The following ANO10 variants were observed in gnomAD, a reference collection of about 807,000 sequenced individuals.
ANO10 encodes anoctamin-10.
In ANO10, 77 loss-of-function variants were observed where a neutral mutation model predicts 74.7. The ratio of observed to expected loss-of-function variants is 1.03; its 90% confidence interval spans 0.86 to 1.25. The LOEUF is 1.25. ANO10 is among the 50% of genes most tolerant of loss of function. The pLI is 0.00. For missense variants in ANO10, 721 were observed against 778.1 expected (o/e 0.93, Z 0.87); for synonymous variants, 279 against 284.9 (o/e 0.98, Z 0.21).
chr3:43,466,421 T>C (rs113698665), intron 11 of ANO10, among the ~76,000 whole-genome samples: 9 of 114,992 alleles, frequency 7.8e-5, no homozygotes, highest in African/African-American at 2.7e-4. Context: ...CACATAAGAA[T>C]ATAGATATAT....
intron 11 of ANO10, among the ~76,000 whole-genome samples, chr3:43,463,066 T>C (rs1429748079): frequency 8.5e-5 from 13 of 152,208 alleles, no homozygotes; most frequent in Admixed American, 2.6e-4. Flanking sequence ...GGAGAACCTT[T>C]GCTAGGGCAC....
intron 1 of ANO10, among the ~76,000 whole-genome samples, 200 bp from the exon 2 acceptor site, chr3:43,606,063 C>T (rs193185774): frequency 2.6e-5 from 4 of 152,274 alleles, no homozygotes; most frequent in Admixed American, 2.6e-4. Context: ...GGAAAGAACG[C>T]CATCCTTTTC....
chr3:43,385,915 A>G (rs2092102121), intron 12 of ANO10, among the ~76,000 whole-genome samples: 1 of 152,108 alleles, frequency 6.6e-6, no homozygotes, highest in Admixed American at 6.5e-5. Context: ...ATATTGAAAT[A>G]AAAAAAATTA....
intron 11 of ANO10, among the ~76,000 whole-genome samples, chr3:43,527,782 C>A (rs903631826): frequency 1.3e-5 from 2 of 152,092 alleles, no homozygotes; most frequent in African/African-American, 4.8e-5. Context: ...GATAAAATCA[C>A]CCCCAGAAAA....
intron 11 of ANO10, among the ~76,000 whole-genome samples, chr3:43,461,848 A>G (rs1423927874): frequency 6.6e-6 from 1 of 152,178 alleles, no homozygotes; most frequent in Non-Finnish European, 1.5e-5. Flanking sequence ...GATACCCAAA[A>G]ATGTGGAAGC....
intron 1 of ANO10, among the ~76,000 whole-genome samples, chr3:43,641,832 G>C (rs2083673246): frequency 6.6e-6 from 1 of 152,138 alleles, no homozygotes; most frequent in Non-Finnish European, 1.5e-5. Context: ...GCGAGTGTGG[G>C]AAGCTTGAGC....
At chr3:43,451,431 G>A (rs1003617093) in intron 11 of ANO10, among the ~76,000 whole-genome samples, 28 of 152,132 alleles carry the variant, frequency 1.8e-4, no homozygotes, top group Non-Finnish European at 3.7e-4. Flanking sequence ...TGTTCAATCG[G>A]CTTCCTTTCC....
chr3:43,642,533 A>AT (rs2083680564), intron 1 of ANO10, among the ~76,000 whole-genome samples: 1 of 152,142 alleles, frequency 6.6e-6, no homozygotes. Context: ...ATTGTTTTCC[A>AT]TTTTAGGATT....
At chr3:43,614,286 C>T (rs375020671) in intron 1 of ANO10, among the ~76,000 whole-genome samples, 1 of 152,154 alleles carries the variant, frequency 6.6e-6, no homozygotes, top group African/African-American at 2.4e-5. Context: ...GCACTATCTA[C>T]AAACTCATAT....
At chr3:43,549,615 C>G (rs901905219) in intron 11 of ANO10, 105 bp downstream of exon 11, 19 of 1,303,972 alleles carry the variant, frequency 1.5e-5, no homozygotes, top group Middle Eastern at 2.0e-4. Context: ...ACCAGTAAAT[C>G]CATATTGCTC....
chr3:43,605,302 T>C (rs1045330051), intron 2 of ANO10, among the ~76,000 whole-genome samples: 1 of 152,220 alleles, frequency 6.6e-6, no homozygotes, highest in African/African-American at 2.4e-5. Context: ...CTTTCTACCC[T>C]GATGGTAACA....
At chr3:43,641,861 T>C (rs2083673557) in intron 1 of ANO10, among the ~76,000 whole-genome samples, 1 of 152,174 alleles carries the variant, frequency 6.6e-6, no homozygotes, top group Non-Finnish European at 1.5e-5. Context: ...CAGGAGGTTA[T>C]GCCAGGTGCA....
intron 12 of ANO10, among the ~76,000 whole-genome samples, chr3:43,382,294 C>T (rs969516974): frequency 5.3e-4 from 80 of 152,024 alleles, no homozygotes; most frequent in Non-Finnish European, 9.6e-4. Context: ...CCGAGGCGGG[C>T]GGATCACGAG....
chr3:43,585,340 G>GGGA (rs1342345004), intron 4 of ANO10, among the ~76,000 whole-genome samples: 1 of 134,584 alleles, frequency 7.4e-6, no homozygotes, highest in African/African-American at 3.0e-5. Context: ...GGAAAGGGAA[G>GGGA]GGAGAAGAGA....
chr3:43,550,806 G>A (rs1237312377), intron 10 of ANO10, among the ~76,000 whole-genome samples: 2 of 151,938 alleles, frequency 1.3e-5, no homozygotes, highest in Admixed American at 1.3e-4. Flanking sequence ...TAAGTACATA[G>A]TGAAGAGTGT....
At chr3:43,657,001 A>C (rs1257540106) in intron 1 of ANO10, among the ~76,000 whole-genome samples, 2 of 152,246 alleles carry the variant, frequency 1.3e-5, no homozygotes, top group Admixed American at 6.5e-5. Flanking sequence ...AAAGCATTTA[A>C]ATTTTTACCA....
chr3:43,512,429 T>A (rs1034734682), intron 11 of ANO10, among the ~76,000 whole-genome samples: 7 of 152,326 alleles, frequency 4.6e-5, no homozygotes, highest in African/African-American at 1.7e-4. Flanking sequence ...AACAATGTTA[T>A]GACGTGGTAC....
chr3:43,687,869 G>A lies in ANO10; in HGVS notation c.-12+3648C>T, dbSNP rs572836027. On this transcript the variant is annotated intron_variant, in intron 1 of 3. Transcript: ENST00000413397. ...GGTATAGGTTGCAATGACATGTGTT[G>A]GTCCATTGTCTCCCAAGAAGACACA... Among the ~76,000 whole-genome samples, 73 of 152,228 alleles carry A rather than the reference G, an allele frequency of 4.8e-4. 1 individual carries two copies. Among genetic ancestry groups the A allele is most frequent in the African/African-American group, 1.7e-3 (70 of 41,546 alleles).
chr3:43,499,936 A>G (rs1358240352), intron 11 of ANO10, among the ~76,000 whole-genome samples: 1 of 151,458 alleles, frequency 6.6e-6, no homozygotes, highest in Non-Finnish European at 1.5e-5. Context: ...GGTTCAAGCG[A>G]TTCTCCTGTC....
Sources: gnomAD v4.1 joint callset for allele counts (sites outside exome capture counted in the v4.1 genomes callset) on GRCh38, gnomAD v4.1.1 for gene constraint, MANE v1.5 for transcripts, NCBI Gene and HGNC (gene_info 2026-07-23, HGNC 2026-07-21) for gene names.